GUCY1A2: variants seen among roughly 807,000 people sequenced by gnomAD.
The protein encoded by GUCY1A2 is guanylate cyclase 1 soluble subunit alpha 2.
A neutral mutation model predicts 63.5 loss-of-function variants in GUCY1A2; 27 were observed. The ratio of observed to expected loss-of-function variants is 0.43; its 90% CI spans 0.31 to 0.59. GUCY1A2 has a LOEUF of 0.59. Among genes scored for constraint, GUCY1A2 ranks in the 20% least tolerant of loss-of-function variants. The pLI, the probability that GUCY1A2 is intolerant of heterozygous loss-of-function variation, is 0.11. For synonymous variants in GUCY1A2, 364 were observed against 343.5 expected (o/e 1.06, Z -0.66); for missense variants, 768 against 913.3 (o/e 0.84, Z 2.05).
At chr11:106,865,211 T>C (rs1404027330) in intron 4 of GUCY1A2, among the ~76,000 whole-genome samples, 1 of 152,116 alleles carries the variant, frequency 6.6e-6, no homozygotes, top group Non-Finnish European at 1.5e-5. Context: ...TCTCTGATGG[T>C]AGTTTGTATT....
intron 1 of GUCY1A2, among the ~76,000 whole-genome samples, chr11:106,992,885 C>T (rs929716875): frequency 4.6e-5 from 7 of 152,110 alleles, no homozygotes; most frequent in South Asian, 2.1e-4. Context: ...TCTGAGCACC[C>T]GGCGTCTTTG....
chr11:106,708,081 T>TTA lies in GUCY1A2; in HGVS notation c.1991+429_1991+430dup, dbSNP rs1225241447. Among the ~76,000 whole-genome samples, 35 of 151,762 alleles carry TTA rather than the reference T, an allele frequency of 2.3e-4. No individual in the cohort carries two copies. In the East Asian group the frequency reaches 6.2e-3, roughly 27 times the overall value. On this transcript the variant is annotated intron_variant, in intron 7 of 7. Coordinates refer to ENST00000526355, the MANE Select transcript of GUCY1A2 (RefSeq NM_000855.3). ...CCAAGCATTTTGAGTAAGGTATAAT[T>TTA]TATATATATATAAATTTAAAGACTT...
intron 4 of GUCY1A2, among the ~76,000 whole-genome samples, chr11:106,871,225 C>T (rs899427286): frequency 2.6e-5 from 4 of 151,956 alleles, no homozygotes; most frequent in African/African-American, 9.7e-5. Flanking sequence ...AAATTACTGC[C>T]AGAAGAATTA....
At chr11:106,701,785 T>G (rs1862821687) in intron 7 of GUCY1A2, among the ~76,000 whole-genome samples, 1 of 152,316 alleles carries the variant, frequency 6.6e-6, no homozygotes, top group Non-Finnish European at 1.5e-5. Flanking sequence ...GTTTGAATGT[T>G]CCTCACACAA....
At position 107,017,828 on chromosome 11, in the gene GUCY1A2, G is replaced by A; in HGVS notation, c.228C>T (p.Ala76=). Residue 76 remains alanine (A), a synonymous_variant, in exon 1 of 8, where the codon GCC becomes GCT. Coordinates refer to ENST00000526355, the MANE Select transcript of GUCY1A2 (RefSeq NM_000855.3). ...CCCGCCTCCGGCGCTGCACCCTCCT[G>A]GCCCCGGCAGTGGCAGCGGCGGCGG... is the stretch of plus-strand genomic sequence containing the variant. The part of the protein sequence containing the change: ...SAAAAAATAG[A]RRVQRRRRVN... 14 of 1,300,186 alleles carry A rather than the reference G, an allele frequency of 1.1e-5. No individual in the cohort carries two copies. The highest frequency in any genetic ancestry group is 1.4e-5 in the Non-Finnish European group (14 of 1,026,634). 80.5% of individuals were successfully genotyped at this position (1,300,186 alleles called of 1,614,324 possible).
intron 6 of GUCY1A2, among the ~76,000 whole-genome samples, chr11:106,727,258 C>T (rs528816064): frequency 2.6e-5 from 4 of 152,306 alleles, no homozygotes; most frequent in South Asian, 2.1e-4. Flanking sequence ...AGGACATCCA[C>T]GTTGTGGTGA....
At chr11:106,705,221 G>A (rs597384) in intron 7 of GUCY1A2, among the ~76,000 whole-genome samples, 14,945 of 152,130 alleles carry the variant, frequency 0.098, 883 homozygotes, top group South Asian at 0.17. Context: ...ACACTGAAAT[G>A]TCATACAGCG....
chr11:106,856,596 A>C (rs1003139044), intron 4 of GUCY1A2, among the ~76,000 whole-genome samples: 27 of 152,210 alleles, frequency 1.8e-4, no homozygotes, highest in Admixed American at 4.6e-4. Flanking sequence ...TCTATATCCT[A>C]TTACATTTAT....
chr11:106,809,044 T>TC (rs1344497912), intron 5 of GUCY1A2, among the ~76,000 whole-genome samples: 17 of 152,014 alleles, frequency 1.1e-4, no homozygotes, highest in Admixed American at 9.2e-4. Flanking sequence ...AGAGCTCATT[T>TC]CCCCAAGAAG....
intron 4 of GUCY1A2, among the ~76,000 whole-genome samples, chr11:106,916,204 T>G (rs1221077745): frequency 6.9e-6 from 1 of 145,858 alleles, no homozygotes; most frequent in African/African-American, 2.4e-5. Flanking sequence ...ATAGTAAGAC[T>G]ACTTTGAGAA....
chr11:106,832,425 A>G (rs1859063975), intron 4 of GUCY1A2, among the ~76,000 whole-genome samples: 1 of 152,046 alleles, frequency 6.6e-6, no homozygotes, highest in Admixed American at 6.6e-5. Flanking sequence ...TTATCATCTG[A>G]CTTAATTTTA....
intron 5 of GUCY1A2, among the ~76,000 whole-genome samples, chr11:106,795,333 G>A (rs10890590): frequency 0.26 from 40,148 of 152,028 alleles, 5,601 homozygotes; most frequent in Admixed American, 0.35. Flanking sequence ...ATGCCCGACT[G>A]GATATGAGGC....
intron 5 of GUCY1A2, among the ~76,000 whole-genome samples, chr11:106,777,000 C>G (rs774352142): frequency 1.6e-4 from 24 of 152,142 alleles, no homozygotes; most frequent in Non-Finnish European, 3.2e-4. Context: ...TTGTTCCACA[C>G]TTTTAGATAT....
chr11:106,726,421 C>A (rs1474791477), intron 6 of GUCY1A2, among the ~76,000 whole-genome samples: 1 of 151,806 alleles, frequency 6.6e-6, no homozygotes, highest in East Asian at 1.9e-4. Context: ...CATCTCAGAA[C>A]AAAACAAAAA....
At chr11:106,781,147 A>G (rs1192858669) in intron 5 of GUCY1A2, among the ~76,000 whole-genome samples, 1 of 151,186 alleles carries the variant, frequency 6.6e-6, no homozygotes, top group Non-Finnish European at 1.5e-5. Context: ...AAACTGTCTA[A>G]AAGTTGACTT....
rs1388358221 is a variant in GUCY1A2, at chr11:106,989,781, T to C, written c.304-3650A>G. The stretch of plus-strand genomic sequence containing the variant: ...TTTCCAATGAAACATTAAGATCAGT[T>C]GAGAGAGACAGTGATACAAGCAGAA... On this transcript the variant is annotated intron_variant, in intron 1 of 7. Transcript: ENST00000526355. Among the ~76,000 whole-genome samples, 34 of 152,078 alleles carry C rather than the reference T, an allele frequency of 2.2e-4. 1 individual carries two copies. Among genetic ancestry groups the C allele is most frequent in the Non-Finnish European group, 1.9e-4 (13 of 68,008 alleles).
At chr11:106,950,835 C>T (rs778144111) in intron 3 of GUCY1A2, among the ~76,000 whole-genome samples, 1 of 152,186 alleles carries the variant, frequency 6.6e-6, no homozygotes, top group Non-Finnish European at 1.5e-5. Flanking sequence ...CATAGGTATG[C>T]GCTTGCCATG....
intron 4 of GUCY1A2, among the ~76,000 whole-genome samples, chr11:106,877,210 G>C (rs1271942593): frequency 6.6e-6 from 1 of 151,962 alleles, no homozygotes; most frequent in Non-Finnish European, 1.5e-5. Context: ...TCATCATAAG[G>C]AGCTTTGGGG....
At chr11:106,771,715 G>A (rs950617788) in intron 6 of GUCY1A2, among the ~76,000 whole-genome samples, 9 of 151,780 alleles carry the variant, frequency 5.9e-5, no homozygotes, top group Admixed American at 4.6e-4. Flanking sequence ...TGGTGACACT[G>A]CACTCCAGCC....
Sources: gnomAD v4.1 joint callset for allele counts (sites outside exome capture counted in the v4.1 genomes callset) on GRCh38, gnomAD v4.1.1 for gene constraint, MANE v1.5 for transcripts, NCBI Gene and HGNC (gene_info 2026-07-23, HGNC 2026-07-21) for gene names.